The following LDLRAD4 variants were observed in gnomAD, a reference collection of about 807,000 sequenced individuals.
LDLRAD4 encodes the protein low density lipoprotein receptor class A domain containing 4.
A neutral mutation model predicts 17.0 loss-of-function variants in LDLRAD4; 5 were observed. The ratio of observed to expected loss-of-function variants is 0.29; its 90% CI spans 0.15 to 0.62. The LOEUF is 0.62. Ranked by LOEUF, LDLRAD4 falls within the 20% of genes least tolerant of loss-of-function variation. The pLI, the probability that LDLRAD4 is intolerant of heterozygous loss-of-function variation, is 0.84. For missense variants in LDLRAD4, 340 were observed against 424.7 expected, an observed-to-expected ratio of 0.80 and a Z score of 1.75; for synonymous variants, 168 against 171.8, an observed-to-expected ratio of 0.98 and a Z score of 0.17.
chr18:13,463,056 G>A (rs1445594385), intron 3 of LDLRAD4, among the ~76,000 whole-genome samples: 1 of 152,156 alleles, frequency 6.6e-6, no homozygotes, highest in Admixed American at 6.5e-5. Flanking sequence ...CTGTGGTCCC[G>A]CTGGGGGGCC....
intron 1 of LDLRAD4, among the ~76,000 whole-genome samples, chr18:13,314,897 A>ATTG (rs951260569): frequency 2.0e-4 from 30 of 152,080 alleles, no homozygotes; most frequent in African/African-American, 7.0e-4. Context: ...TATTATTATT[A>ATTG]TTGTTGTTGT....
chr18:13,463,138 T>C (rs1025490567), intron 3 of LDLRAD4, among the ~76,000 whole-genome samples: 10 of 152,122 alleles, frequency 6.6e-5, no homozygotes, highest in Non-Finnish European at 1.2e-4. Context: ...GAATCACACG[T>C]GATGTGTGTG....
chr18:13,283,901 T>G lies in LDLRAD4; in HGVS notation c.-383+5713T>G, dbSNP rs573596105. Among the ~76,000 whole-genome samples, 47 of 152,284 alleles carry G rather than the reference T, an allele frequency of 3.1e-4. 1 individual carries two copies. In the South Asian group the frequency reaches 9.5e-3, roughly 31 times the overall value. On this transcript the variant is annotated intron_variant, in intron 1 of 5. Coordinates refer to ENST00000359446, the Ensembl canonical transcript of LDLRAD4. ...AATCGTGGCTGAGGGCAAAAGGCAC[T>G]TCTTACAGGGCGGCAGCAAGGGAGA...
At chr18:13,422,894 T>C (rs2089617559) in intron 2 of LDLRAD4, among the ~76,000 whole-genome samples, 1 of 152,192 alleles carries the variant, frequency 6.6e-6, no homozygotes, top group African/African-American at 2.4e-5. Context: ...CTTGGTGACA[T>C]GCTCTCCAAC....
intron 3 of LDLRAD4, among the ~76,000 whole-genome samples, chr18:13,585,133 C>T (rs546784861): frequency 2.0e-5 from 3 of 152,334 alleles, no homozygotes; most frequent in East Asian, 3.9e-4. Context: ...GTCAAATGCA[C>T]TCGACATGAT....
At chr18:13,566,140 G>A (rs554100223) in intron 3 of LDLRAD4, among the ~76,000 whole-genome samples, 3 of 152,280 alleles carry the variant, frequency 2.0e-5, no homozygotes, top group Admixed American at 1.3e-4. Context: ...AGTTACATCC[G>A]CTTGGTGGGA....
intron 3 of LDLRAD4, among the ~76,000 whole-genome samples, chr18:13,565,489 G>C (rs2094588558): frequency 6.6e-6 from 1 of 152,256 alleles, no homozygotes; most frequent in East Asian, 1.9e-4. Flanking sequence ...GGGTGGCGGG[G>C]ATAACAGCCC....
At chr18:13,408,596 C>G (rs112396153) in intron 2 of LDLRAD4, among the ~76,000 whole-genome samples, 35 of 152,102 alleles carry the variant, frequency 2.3e-4, no homozygotes, top group African/African-American at 8.2e-4. Context: ...CCTCAGCCTC[C>G]CGAGTAGCTG....
chr18:13,302,765 A>G (rs2046676754), intron 1 of LDLRAD4, among the ~76,000 whole-genome samples: 1 of 152,222 alleles, frequency 6.6e-6, no homozygotes, highest in South Asian at 2.1e-4. Flanking sequence ...ATGTTTATGC[A>G]GTTATGGTAC....
intron 1 of LDLRAD4, among the ~76,000 whole-genome samples, chr18:13,246,715 G>T (rs2042973896): frequency 6.6e-6 from 1 of 152,214 alleles, no homozygotes; most frequent in Non-Finnish European, 1.5e-5. Context: ...ATCAACTGTG[G>T]AGTGCGCCAT....
chr18:13,375,495 C>T (rs1298211457), intron 1 of LDLRAD4, among the ~76,000 whole-genome samples: 1 of 152,114 alleles, frequency 6.6e-6, no homozygotes, highest in Non-Finnish European at 1.5e-5. Context: ...ACAGCTGGCT[C>T]TGTGTGTTGG....
intron 4 of LDLRAD4, chr18:13,642,828 T>A (rs1199149282): frequency 1.1e-6 from 1 of 934,124 alleles, no homozygotes; most frequent in East Asian, 3.3e-5. Context: ...ATGTTTCCTT[T>A]TGTTCACAGC....
At chr18:13,547,244 A>G (rs2094378523) in intron 3 of LDLRAD4, among the ~76,000 whole-genome samples, 2 of 152,218 alleles carry the variant, frequency 1.3e-5, no homozygotes, top group East Asian at 3.8e-4. Context: ...GTGATTTTAA[A>G]GTTACAGTCA....
chr18:13,602,453 G>A (rs958668278), intron 3 of LDLRAD4, among the ~76,000 whole-genome samples: 4 of 151,882 alleles, frequency 2.6e-5, no homozygotes, highest in African/African-American at 9.7e-5. Flanking sequence ...GTGGGATGGG[G>A]GGAATTTTAT....
chr18:13,487,666 T>G (rs1222375950), intron 3 of LDLRAD4: 5 of 152,204 alleles, frequency 3.3e-5, no homozygotes, highest in African/African-American at 7.2e-5. Context: ...AATTCCACAC[T>G]AAATAAGTAA....
chr18:13,224,257 G>C (rs2041627002), intron 1 of LDLRAD4, among the ~76,000 whole-genome samples: 1 of 152,182 alleles, frequency 6.6e-6, no homozygotes, highest in South Asian at 2.1e-4. Flanking sequence ...GGTATTGCCA[G>C]ATATTTCTTC....
chr18:13,335,714 C>T (rs1354291901), intron 1 of LDLRAD4, among the ~76,000 whole-genome samples: 1 of 152,158 alleles, frequency 6.6e-6, no homozygotes, highest in Non-Finnish European at 1.5e-5. Flanking sequence ...GAAGGAATGC[C>T]TGGCTGGGTA....
At chr18:13,624,223 T>G (rs1355428412) in intron 4 of LDLRAD4, among the ~76,000 whole-genome samples, 1 of 152,002 alleles carries the variant, frequency 6.6e-6, no homozygotes, top group African/African-American at 2.4e-5. Context: ...GGCACTTCAC[T>G]GTAAAAGAGG....
chr18:13,313,794 C>T (rs971635211), intron 1 of LDLRAD4, among the ~76,000 whole-genome samples: 37 of 150,610 alleles, frequency 2.5e-4, no homozygotes, highest in African/African-American at 8.9e-4. Flanking sequence ...GTACCTGTGC[C>T]TTGTGAAAAT....
Sources: gnomAD v4.1 joint callset for allele counts (sites outside exome capture counted in the v4.1 genomes callset) on GRCh38, gnomAD v4.1.1 for gene constraint, MANE v1.5 for transcripts, NCBI Gene and HGNC (gene_info 2026-07-23, HGNC 2026-07-21) for gene names.